TRAF3IP1: variants seen among roughly 807,000 people sequenced by gnomAD.
TRAF3IP1 encodes intraflagellar transport 54, also known as TRAF3-interacting protein 1.
Under a neutral mutation model 89.9 loss-of-function variants are expected in TRAF3IP1, and 53 were observed. That is an observed-to-expected ratio of 0.59 (90% CI 0.47 to 0.74). The LOEUF (loss-of-function observed/expected upper bound fraction) is 0.74. TRAF3IP1 is among the 30% of genes least tolerant of loss of function. The probability of loss-of-function intolerance (pLI) is 0.00; values close to 1 mark genes in which losing one functional copy is unlikely to be tolerated. For missense variants in TRAF3IP1, 806 were observed against 866.1 expected (o/e 0.93, Z 0.87); for synonymous variants, 311 against 322.1 (o/e 0.97, Z 0.37).
At chr2:238,344,976 G>C (rs980956308) in intron 9 of TRAF3IP1, among the ~76,000 whole-genome samples, 5 of 152,168 alleles carry the variant, frequency 3.3e-5, no homozygotes, top group African/African-American at 1.2e-4. Flanking sequence ...TTTTCTGTCT[G>C]TCATTTTCTT....
chr2:238,320,561 GGGCGGC>G lies in TRAF3IP1; in HGVS notation c.-90_-85del. ...CGGAGCGGCGCGTCCTGGCAGGACC[GGGCGGC>G]GGCGGCGGCGGGGCCGGCGGCGGCC... is the stretch of plus-strand genomic sequence containing the variant. On this transcript the variant is annotated 5_prime_UTR_variant, in exon 1 of 17. Coordinates refer to ENST00000373327, the MANE Select transcript of TRAF3IP1 (RefSeq NM_015650.4). The G allele has an allele frequency of 2.9e-6, 3 of 1,033,808 alleles. No homozygotes were observed. The highest frequency in any genetic ancestry group is 3.5e-6 in the Non-Finnish European group (3 of 861,570). 64.0% of individuals were successfully genotyped at this position (1,033,808 alleles called of 1,614,324 possible). A position where few individuals can be genotyped will look rare whatever the true frequency, so the allele number is the denominator to read the frequency against.
chr2:238,355,749 A>G (rs754602634), intron 14 of TRAF3IP1, among the ~76,000 whole-genome samples: 1 of 152,176 alleles, frequency 6.6e-6, no homozygotes, highest in Non-Finnish European at 1.5e-5. Context: ...TAGAAAATCT[A>G]TTTTATTTCT....
At chr2:238,328,884 T>C (rs1218416049) in intron 4 of TRAF3IP1, 42 bp from the exon 5 acceptor site, 2 of 1,588,542 alleles carry the variant, frequency 1.3e-6, no homozygotes, top group Admixed American at 1.8e-5. Context: ...TTTTGTAGTT[T>C]AGGTAAAAAT....
At chr2:238,356,572 A>G (rs1699418646) in intron 15 of TRAF3IP1, among the ~76,000 whole-genome samples, 2 of 151,918 alleles carry the variant, frequency 1.3e-5, no homozygotes, top group East Asian at 1.9e-4. Context: ...CTGTGGGGCT[A>G]CTTCCCTGGC....
In TRAF3IP1 at chr2:238,356,043, A is replaced by T; in HGVS notation, c.1652A>T (p.Tyr551Phe). The T allele has an allele frequency of 6.2e-7, 1 of 1,613,904 alleles. No individual in the cohort carries two copies. The highest frequency in any genetic ancestry group is 8.5e-7 in the Non-Finnish European group (1 of 1,179,780). ...AAAATTTTGGAGACGAAGAAAGATT[A>T]TGAGAAATTGCAGCAGTCACCCAAA... Reference protein sequence around the residue: ...VKKILETKKDYEKLQQSPKPG... With the variant: ...VKKILETKKDFEKLQQSPKPG... Residue 551 changes from tyrosine (Y) to phenylalanine (F), a missense_variant, in exon 15 of 17, where the codon TAT becomes TTT. Around this residue, in one of 3 missense-constraint regions of TRAF3IP1, gnomAD observed 732 missense variants for 780.5 expected, o/e 0.94. Transcript: ENST00000373327.
At chr2:238,395,823 A>C (rs141001126) in intron 15 of TRAF3IP1, among the ~76,000 whole-genome samples, 109,935 of 151,456 alleles carry the variant, frequency 0.73, 40,103 homozygotes, top group Middle Eastern at 0.78. Flanking sequence ...TCAAAACCAC[A>C]ATGAGATACC....
In TRAF3IP1 at chr2:238,351,884, CGTGCATGT is replaced by C. The variant is rs1559371569; in HGVS notation, c.1452-941_1452-934del. Among the ~76,000 whole-genome samples the C allele has an allele frequency of 1.4e-5, 2 of 148,080 alleles. No individual in the cohort carries two copies. Among genetic ancestry groups the C allele is most frequent in the Non-Finnish European group, 3.0e-5 (2 of 66,864 alleles). On this transcript the variant is annotated intron_variant, in intron 12 of 16. Coordinates refer to ENST00000373327, the MANE Select transcript of TRAF3IP1 (RefSeq NM_015650.4). The surrounding 1 kb of genome is among the most constrained non-coding windows in gnomAD (Gnocchi z 5.2). ...GTGTGTGTGCGCGCGCGCGCGTGTG[CGTGCATGT>C]GCTTGTGTGTATGCGTGTGTGTGTG... is the stretch of plus-strand genomic sequence containing the variant.
Position 238,325,851 on chromosome 2 carries a change from G to A in TRAF3IP1, c.235G>A (p.Val79Met), listed in dbSNP as rs771514528. Reference sequence around the variant, plus strand: ...TAGCTTCCTACAAAAGGCCATAGACGTGGTTGTAATGGTGTCGGGAGAGCC... The same window carrying A: ...TAGCTTCCTACAAAAGGCCATAGACATGGTTGTAATGGTGTCGGGAGAGCC... ...KISFLQKAID[V>M]VVMVSGEPLL... The change falls in exon 3 of 17, where the codon GTG (valine) becomes ATG (methionine). Residue 79 changes from valine (V) to methionine (M), a missense_variant. Physicochemically the swap from Val to Met is conservative, Grantham distance 21. This residue lies in a region of TRAF3IP1 where 732 missense variants were observed against 780.5 expected (regional missense o/e 0.94). Transcript: ENST00000373327. The A allele has an allele frequency of 1.1e-5, 18 of 1,614,022 alleles. No homozygotes were observed. The highest frequency in any genetic ancestry group is 1.7e-5 in the Admixed American group (1 of 59,978).
In TRAF3IP1 at chr2:238,345,201, A is replaced by G. The variant is rs1698836875; in HGVS notation, c.1261+603A>G. On this transcript the variant is annotated intron_variant, in intron 9 of 16. Transcript: ENST00000373327. This position sits in a 1 kb window ranked among gnomAD's most constrained non-coding sequence, Gnocchi z 4.7. ...GCCAGGGGAGGGCTGATGTTTGTTG[A>G]TTTGTTCAAACAGAAAATTATCTGT... Among the ~76,000 whole-genome samples the G allele has an allele frequency of 6.6e-6, 1 of 152,108 alleles. No homozygotes were observed. The highest frequency in any genetic ancestry group is 1.5e-5 in the Non-Finnish European group (1 of 68,016).
chr2:238,362,164 TTC>T (rs1204629633), intron 15 of TRAF3IP1, among the ~76,000 whole-genome samples: 1 of 152,174 alleles, frequency 6.6e-6, no homozygotes, highest in Non-Finnish European at 1.5e-5. Context: ...CCAGTCCCCC[TTC>T]TCTCTGTCCT....
At chr2:238,387,532 A>T (rs1700822508) in intron 15 of TRAF3IP1, among the ~76,000 whole-genome samples, 1 of 152,234 alleles carries the variant, frequency 6.6e-6, no homozygotes, top group Non-Finnish European at 1.5e-5. Context: ...TACATCATAA[A>T]GTTGAGAACA....
chr2:238,321,655 G>A (rs1308181445), intron 1 of TRAF3IP1, among the ~76,000 whole-genome samples: 2 of 152,226 alleles, frequency 1.3e-5, no homozygotes, highest in Admixed American at 1.3e-4. Flanking sequence ...ATCCCCTGTT[G>A]AGTGGGACCT....
At position 238,344,544 on chromosome 2, in the gene TRAF3IP1, T is replaced by G. The variant is rs749420950; in HGVS notation, c.1207T>G (p.Ser403Ala). Reference protein sequence around the residue: ...INSTSISDDNSASLRCENIQP... With the variant: ...INSTSISDDNAASLRCENIQP... ...CTCAACTAGTATTTCAGATGATAAT[T>G]CAGCTAGTCTGCGGTGTGAGAATAT... Residue 403 changes from serine (S) to alanine (A), a missense_variant, in exon 9 of 17, where the codon TCA (serine) becomes GCA (alanine). Around this residue, in one of 3 missense-constraint regions of TRAF3IP1, gnomAD observed 732 missense variants for 780.5 expected, o/e 0.94. Coordinates refer to ENST00000373327, the MANE Select transcript of TRAF3IP1 (RefSeq NM_015650.4). 4 of 1,614,064 alleles carry G rather than the reference T, an allele frequency of 2.5e-6. No homozygotes were observed. The highest frequency in any genetic ancestry group is 3.4e-6 in the Non-Finnish European group (4 of 1,180,028).
chr2:238,367,163 CAAAAAAAAAAAAAA>C (rs33964253), intron 15 of TRAF3IP1, among the ~76,000 whole-genome samples: 4 of 36,146 alleles, frequency 1.1e-4, no homozygotes, highest in African/African-American at 1.4e-4. Flanking sequence ...GACTCTGTCT[CAAAAAAAAAAAAAA>C]AAAAAAAAAA....
intron 15 of TRAF3IP1, among the ~76,000 whole-genome samples, chr2:238,357,561 A>G (rs1043749202): frequency 6.6e-6 from 1 of 152,226 alleles, no homozygotes; most frequent in Non-Finnish European, 1.5e-5. Flanking sequence ...GAGCCCTTTT[A>G]ACAATAATAA....
chr2:238,335,443 G>GT (rs1298439063), intron 7 of TRAF3IP1, among the ~76,000 whole-genome samples: 2 of 152,000 alleles, frequency 1.3e-5, no homozygotes, highest in African/African-American at 2.4e-5. Context: ...TGTGTGTGGT[G>GT]TTTTTTACTT....
At chr2:238,362,889 G>A (rs189853955) in intron 15 of TRAF3IP1, among the ~76,000 whole-genome samples, 122 of 152,354 alleles carry the variant, frequency 8.0e-4, no homozygotes, top group African/African-American at 2.4e-3. Flanking sequence ...CGCACACAGT[G>A]GCGGGAAGCT....
intron 15 of TRAF3IP1, among the ~76,000 whole-genome samples, chr2:238,366,878 T>C (rs1465317929): frequency 6.6e-6 from 1 of 151,990 alleles, no homozygotes; most frequent in Non-Finnish European, 1.5e-5. Context: ...TGAAAATTAG[T>C]GGAGGCTGGG....
intron 3 of TRAF3IP1, 80 bp downstream of exon 3, chr2:238,326,050 G>A (rs768956665): frequency 1.2e-5 from 18 of 1,444,138 alleles, no homozygotes; most frequent in African/African-American, 1.4e-5. Flanking sequence ...TCACATGTGC[G>A]GGCGGTTTAG....
Sources: gnomAD v4.1 joint callset for allele counts (sites outside exome capture counted in the v4.1 genomes callset) on GRCh38, gnomAD v4.1.1 for gene constraint, gnomAD v4.1.1 regional missense constraint, Gnocchi (gnomAD v3.1) non-coding constraint, MANE v1.5 for transcripts, NCBI Gene and HGNC (gene_info 2026-07-23, HGNC 2026-07-21) for gene names.